KMT2C: variants seen among roughly 807,000 people sequenced by gnomAD.
KMT2C encodes lysine methyltransferase 2C.
In KMT2C, 88 loss-of-function variants were observed where a neutral mutation model predicts 507.9. The observed-to-expected ratio is 0.17, with a 90% confidence interval of 0.15 to 0.21. The LOEUF is 0.21. Among genes scored for constraint, KMT2C ranks in the 10% least tolerant of loss-of-function variants. KMT2C has a pLI of 1.00. For missense variants in KMT2C, 4,954 were observed against 5,957.8 expected (o/e 0.83, Z 5.55); for synonymous variants, 2,049 against 2,080.8 (o/e 0.98, Z 0.42).
chr7:152,417,021 C>T (rs936985141), intron 1 of KMT2C, among the ~76,000 whole-genome samples: 1 of 144,500 alleles, frequency 6.9e-6, no homozygotes, highest in Non-Finnish European at 1.5e-5. Flanking sequence ...TGCACTCTAG[C>T]CTGGGTGACA....
chr7:152,211,178 C>A (rs773900050), intron 23 of KMT2C, among the ~76,000 whole-genome samples: 38 of 152,078 alleles, frequency 2.5e-4, no homozygotes, highest in Admixed American at 5.2e-4. Flanking sequence ...TAGAGAGAAC[C>A]GAGTTCTTCA....
Position 152,163,635 on chromosome 7 carries a change from C to A in KMT2C, c.9942G>T (p.Gln3314His), listed in dbSNP as rs146378338. 34 of 1,611,732 alleles carry A rather than the reference C, an allele frequency of 2.1e-5. No homozygotes were observed. The highest frequency in any genetic ancestry group is 2.8e-5 in the Non-Finnish European group (33 of 1,178,798). The change falls in exon 43 of 59, where the codon CAG becomes CAT. Residue 3314 changes from glutamine (Q) to histidine (H), a missense_variant. Gln to His is a conservative substitution (Grantham distance 24). Around this residue, in one of 29 missense-constraint regions of KMT2C, gnomAD observed 801 missense variants for 751.2 expected, o/e 1.07. Coordinates refer to ENST00000262189, the MANE Select transcript of KMT2C (RefSeq NM_170606.3). ...FPMVPQQLQH[Q>H]QHTTVISGHT... ...GGCCAGAAATAACTGTTGTGTGCTG[C>A]TGGTGCTGAAGCTGCTGTGGCACCA... is the stretch of plus-strand genomic sequence containing the variant.
chr7:152,150,885 T>C lies in KMT2C; in HGVS notation c.12774+15A>G. On this transcript the variant is annotated intron_variant, in intron 51 of 58. Coordinates refer to ENST00000262189, the MANE Select transcript of KMT2C (RefSeq NM_170606.3). ...CGTTACACATTGTTATCAGCTGAGA[T>C]TATCCTAATCTCACCTTGTTTTCTG... 3.9e-6 allele frequency: 6 copies of C among 1,538,980 alleles called. No homozygotes were observed. Among genetic ancestry groups the C allele is most frequent in the Non-Finnish European group, 5.4e-6 (6 of 1,112,218 alleles).
At chr7:152,203,982 C>T (rs772552590) in intron 25 of KMT2C, among the ~76,000 whole-genome samples, 2 of 152,024 alleles carry the variant, frequency 1.3e-5, no homozygotes, top group Non-Finnish European at 2.9e-5. Flanking sequence ...CAGAGCATTG[C>T]GAGGAATAGG....
At chr7:152,338,133 C>T (rs560680978) in intron 2 of KMT2C, among the ~76,000 whole-genome samples, 2 of 152,294 alleles carry the variant, frequency 1.3e-5, no homozygotes, top group African/African-American at 4.8e-5. Flanking sequence ...GCTGGGATTA[C>T]AGGCATGAGC....
At chr7:152,432,046 G>A (rs2097867172) in intron 1 of KMT2C, among the ~76,000 whole-genome samples, 1 of 152,138 alleles carries the variant, frequency 6.6e-6, no homozygotes, top group African/African-American at 2.4e-5. Flanking sequence ...ATCACTGGTT[G>A]TGCCTAATTT....
chr7:152,293,522 T>C (rs528957425), intron 6 of KMT2C, among the ~76,000 whole-genome samples: 2 of 152,256 alleles, frequency 1.3e-5, no homozygotes, highest in South Asian at 4.1e-4. Flanking sequence ...ATTTTACCAG[T>C]TTCCTATGCA....
intron 58 of KMT2C, chr7:152,137,582 A>T (rs1258076202): frequency 6.6e-6 from 1 of 152,220 alleles, no homozygotes; most frequent in South Asian, 2.1e-4. Context: ...CGCTAGCTGG[A>T]AAGACCTTCT....
chr7:152,222,852 T>C (rs1049206422), intron 20 of KMT2C, among the ~76,000 whole-genome samples, 170 bp from the exon 21 acceptor site: 4 of 152,114 alleles, frequency 2.6e-5, no homozygotes, highest in Admixed American at 2.0e-4. Context: ...AAAACTTTCA[T>C]ACAGCTAAGA....
chr7:152,222,546 G>C, intron 21 of KMT2C, 27 bp downstream of exon 21: 1 of 1,203,772 alleles, frequency 8.3e-7, no homozygotes, highest in South Asian at 1.2e-5. Flanking sequence ...CAAGAGTGCA[G>C]ACTCACAGTT....
At position 152,177,911 on chromosome 7, in the gene KMT2C, T is replaced by C. The variant is rs2093273576; in HGVS notation, c.7542A>G (p.Leu2514=). Residue 2514 remains leucine (L), a synonymous_variant, in exon 38 of 59, where the codon CTA becomes CTG. Coordinates refer to ENST00000262189, the MANE Select transcript of KMT2C (RefSeq NM_170606.3). ...GCATATCTACAGATACTGATCTTCT[T>C]AGCTGTGGAGAAACTCCAGATCCCT... ...QIQGSGVSPQ[L]RRSVSVDMPR... 4 of 1,611,776 alleles carry C rather than the reference T, an allele frequency of 2.5e-6. No individual in the cohort carries two copies. The highest frequency in any genetic ancestry group is 3.4e-6 in the Non-Finnish European group (4 of 1,179,830).
At chr7:152,417,839 TCAC>T (rs1293249867) in intron 1 of KMT2C, among the ~76,000 whole-genome samples, 1 of 151,482 alleles carries the variant, frequency 6.6e-6, no homozygotes, top group African/African-American at 2.4e-5. Flanking sequence ...AGACGGGGTT[TCAC>T]CACGTTAGCC....
intron 34 of KMT2C, 55 bp from the exon 35 acceptor site, chr7:152,183,211 A>G (rs148197594): frequency 1.5e-6 from 2 of 1,349,240 alleles, no homozygotes; most frequent in African/African-American, 3.0e-5. Context: ...GTTTTAAGGA[A>G]TAAAATAAAA....
At chr7:152,372,111 A>G (rs1210199670) in intron 1 of KMT2C, among the ~76,000 whole-genome samples, 1 of 152,142 alleles carries the variant, frequency 6.6e-6, no homozygotes, top group Non-Finnish European at 1.5e-5. Flanking sequence ...ATCAATAATT[A>G]TTTTAAATGA....
At chr7:152,287,821 C>T (rs1180938872) in intron 6 of KMT2C, among the ~76,000 whole-genome samples, 9 of 151,776 alleles carry the variant, frequency 5.9e-5, no homozygotes, top group African/African-American at 1.7e-4. Flanking sequence ...GTCAGGAGTT[C>T]GAGACCAGCC....
chr7:152,188,036 C>G (rs1414769068), intron 31 of KMT2C, among the ~76,000 whole-genome samples, 189 bp from the exon 32 acceptor site: 2 of 152,104 alleles, frequency 1.3e-5, no homozygotes, highest in Non-Finnish European at 2.9e-5. Flanking sequence ...TCTTGTATGC[C>G]AAGCTCCATA....
At chr7:152,418,758 A>G (rs2097761199) in intron 1 of KMT2C, among the ~76,000 whole-genome samples, 1 of 151,966 alleles carries the variant, frequency 6.6e-6, no homozygotes, top group Non-Finnish European at 1.5e-5. Flanking sequence ...AAAATTAAGC[A>G]CCCTTCAAAA....
chr7:152,170,390 A>G (rs888913365), intron 40 of KMT2C, among the ~76,000 whole-genome samples: 1 of 152,226 alleles, frequency 6.6e-6, no homozygotes, highest in Admixed American at 6.5e-5. Context: ...AAAATACTGC[A>G]TGAGTTTTAC....
intron 2 of KMT2C, among the ~76,000 whole-genome samples, chr7:152,348,395 G>A (rs555401869): frequency 1.1e-4 from 17 of 151,724 alleles, no homozygotes; most frequent in African/African-American, 3.4e-4. Flanking sequence ...TCAGGAGTTC[G>A]AGATCAGTCT....
Sources: allele counts gnomAD v4.1 joint callset (sites outside exome capture counted in the v4.1 genomes callset), GRCh38; gene constraint gnomAD v4.1.1; regional missense constraint gnomAD v4.1.1; transcripts MANE v1.5; gene names NCBI Gene and HGNC (gene_info 2026-07-23, HGNC 2026-07-21).